CCDC39: variants seen among roughly 807,000 people sequenced by gnomAD.
The protein encoded by CCDC39 is coiled-coil domain-containing protein 39.
Under a neutral mutation model 121.0 loss-of-function variants are expected in CCDC39, and 113 were observed. The observed-to-expected ratio is 0.93, with a 90% CI of 0.80 to 1.09. The LOEUF is 1.09. CCDC39 is among the 50% of genes least tolerant of loss of function. The pLI, the probability that CCDC39 is intolerant of heterozygous loss-of-function variation, is 0.00. For missense variants in CCDC39, 1,063 were observed against 1,074.7 expected (o/e 0.99, Z 0.15); for synonymous variants, 349 against 352.2 (o/e 0.99, Z 0.10).
At chr3:180,643,248 C>A (rs998054439) in intron 12 of CCDC39, among the ~76,000 whole-genome samples, 3 of 151,860 alleles carry the variant, frequency 2.0e-5, no homozygotes, top group Non-Finnish European at 2.9e-5. Flanking sequence ...TGTGAGCCAC[C>A]GTGCCCGGCC....
intron 1 of CCDC39, among the ~76,000 whole-genome samples, chr3:180,666,043 A>G (rs1348135200): frequency 6.6e-6 from 1 of 152,054 alleles, no homozygotes; most frequent in Non-Finnish European, 1.5e-5. Context: ...TCACCCTGTT[A>G]TACAACCATT....
chr3:180,622,244 G>A (rs1235195904), intron 14 of CCDC39, among the ~76,000 whole-genome samples: 1 of 152,032 alleles, frequency 6.6e-6, no homozygotes, highest in Non-Finnish European at 1.5e-5. Context: ...AAATGCTATG[G>A]ATTTTTGTAC....
chr3:180,666,874 C>T (rs543462303), intron 1 of CCDC39, among the ~76,000 whole-genome samples: 12 of 152,114 alleles, frequency 7.9e-5, no homozygotes, highest in Admixed American at 7.9e-4. Flanking sequence ...ACACATTACA[C>T]ATACGCACAC....
Position 180,631,547 on chromosome 3 carries a change from ATTC to A in CCDC39, c.1917_1919del (p.Lys639del). ...TAACAACAGTCAGAATTTCATATCT[ATTC>A]TTCAGCTTCTCAATTTTACTTAGCC... On this transcript the variant is annotated inframe_deletion, in exon 14 of 20. Coordinates refer to ENST00000476379, the MANE Select transcript of CCDC39 (RefSeq NM_181426.2). 6.2e-7 allele frequency: 1 copy of A among 1,609,386 alleles called. No homozygotes were observed. The highest frequency in any genetic ancestry group is 1.1e-5 in the South Asian group (1 of 90,900).
At chr3:180,637,679 A>G (rs1259654830) in intron 13 of CCDC39, among the ~76,000 whole-genome samples, 1 of 152,214 alleles carries the variant, frequency 6.6e-6, no homozygotes, top group Non-Finnish European at 1.5e-5. Context: ...GAATCAACCT[A>G]AACACCCATC....
Position 180,614,812 on chromosome 3 carries a change from CCACTAAGTT to C in CCDC39, c.*100_*108del. 1.1e-6 allele frequency: 1 copy of C among 943,090 alleles called. No individual in the cohort carries two copies. Among genetic ancestry groups the C allele is most frequent in the Non-Finnish European group, 1.5e-6 (1 of 651,174 alleles). The allele number at this position is 943,090 out of a possible 1,614,324, so 58.4% of individuals were successfully genotyped here. On this transcript the variant is annotated 3_prime_UTR_variant, in exon 20 of 20. Coordinates refer to ENST00000476379, the MANE Select transcript of CCDC39 (RefSeq NM_181426.2). ...TTAAAACTATCAGTTTTTACACTTA[CCACTAAGTT>C]TTTACACTTTCCACTAGATAAAATG...
Position 180,619,829 on chromosome 3 carries a change from T to A in CCDC39, c.2140A>T (p.Lys714Ter). Residue 714 changes from lysine (K) to a stop codon, truncating the protein, a stop_gained, in exon 15 of 20, where the codon AAA becomes TAA. Coordinates refer to ENST00000476379, the MANE Select transcript of CCDC39 (RefSeq NM_181426.2). LOFTEE classifies it high-confidence loss of function. ...TACATACTAGATGGAGTCACTTTTT[T>A]AAAAGATTGCTTATAATTGTTGTTA... ...SCNNNYKQSF[K>*]KVTPSSDEYE... 1 of 1,596,216 alleles carries A rather than the reference T, an allele frequency of 6.3e-7. No individual in the cohort carries two copies. Among genetic ancestry groups the A allele is most frequent in the Non-Finnish European group, 8.5e-7 (1 of 1,171,310 alleles).
At position 180,623,942 on chromosome 3, in the gene CCDC39, G is replaced by A. The variant is rs771783407; in HGVS notation, c.1999-3972C>T. 8.1e-4 allele frequency among the ~76,000 whole-genome samples: 123 copies of A among 151,922 alleles called. 1 individual carries two copies. The highest frequency in any genetic ancestry group is 3.9e-4 in the Admixed American group (6 of 15,258). On this transcript the variant is annotated intron_variant, in intron 14 of 19. Coordinates refer to ENST00000476379, the MANE Select transcript of CCDC39 (RefSeq NM_181426.2). ...GAATGTTCTGTAGATGTCTGTTAAC[G>A]TCCATTTGGTCTAAAGCCCGATTTA...
intron 1 of CCDC39, among the ~76,000 whole-genome samples, chr3:180,672,817 A>G (rs1712087216): frequency 6.6e-6 from 1 of 152,218 alleles, no homozygotes; most frequent in African/African-American, 2.4e-5. Flanking sequence ...TGAGCAAGGT[A>G]AATTGAAAAC....
At chr3:180,640,320 CA>C (rs1371743310) in intron 13 of CCDC39, among the ~76,000 whole-genome samples, 2 of 151,918 alleles carry the variant, frequency 1.3e-5, no homozygotes, top group Admixed American at 6.6e-5. Context: ...TTGTGGGATG[CA>C]GCTAATATAA....
At chr3:180,676,402 T>G (rs1712207634) in intron 1 of CCDC39, among the ~76,000 whole-genome samples, 1 of 152,196 alleles carries the variant, frequency 6.6e-6, no homozygotes, top group Non-Finnish European at 1.5e-5. Flanking sequence ...ATGCTCATCA[T>G]CACTGGCCAT....
chr3:180,630,179 G>T (rs1382038672), intron 14 of CCDC39, among the ~76,000 whole-genome samples: 1 of 152,206 alleles, frequency 6.6e-6, no homozygotes, highest in African/African-American at 2.4e-5. Flanking sequence ...CACACCACTT[G>T]TTAGAGAAAC....
At chr3:180,678,611 C>T (rs1465565769) in intron 1 of CCDC39, among the ~76,000 whole-genome samples, 3 of 151,914 alleles carry the variant, frequency 2.0e-5, no homozygotes, top group Non-Finnish European at 4.4e-5. Context: ...GCCTCAGCCT[C>T]CCAAAGTGCT....
chr3:180,664,861 TA>T lies in CCDC39; in HGVS notation c.91-876del, dbSNP rs575394160. 3.9e-4 allele frequency among the ~76,000 whole-genome samples: 17 copies of T among 43,552 alleles called. No homozygotes were observed. The South Asian group carries it at 0.027, about 70-fold the overall frequency. The allele number at this position is 43,552 out of a possible 152,430, so 28.6% of individuals were successfully genotyped here. ...ACAGGTGCCCACCACTACACCTGGC[TA>T]ATTTTTTTTTTTTTTTGGTATTTTT... is the stretch of plus-strand genomic sequence containing the variant. On this transcript the variant is annotated intron_variant, in intron 1 of 19. Coordinates refer to ENST00000476379, the MANE Select transcript of CCDC39 (RefSeq NM_181426.2).
chr3:180,660,449 G>A (rs559634683), intron 4 of CCDC39, 121 bp downstream of exon 4: 6 of 802,462 alleles, frequency 7.5e-6, no homozygotes, highest in Non-Finnish European at 1.1e-5. Context: ...TCTCCAAGAA[G>A]CCTCTGACTC....
chr3:180,637,860 T>C (rs1717868846), intron 13 of CCDC39, among the ~76,000 whole-genome samples: 1 of 152,232 alleles, frequency 6.6e-6, no homozygotes, highest in East Asian at 1.9e-4. Context: ...TTCTCACTTA[T>C]AAGTGGGAGC....
rs140113512 is a variant in CCDC39 at position 180,674,194 on chromosome 3, A to T, written c.90+5097T>A. ...AGTTCTCCTTGAAGAGGTCTTTCAC[A>T]TCCCTTGTAAGTTGGATTCCTAGAT... On this transcript the variant is annotated intron_variant, in intron 1 of 19. Transcript: ENST00000476379. Among the ~76,000 whole-genome samples the T allele has an allele frequency of 7.2e-5, 11 of 152,162 alleles. 1 individual carries two copies. In the South Asian group the frequency reaches 2.3e-3, roughly 32 times the overall value.
In CCDC39 at chr3:180,648,843, T is replaced by C. The variant is rs79789776; in HGVS notation, c.1168-484A>G. On this transcript the variant is annotated intron_variant, in intron 9 of 19. Coordinates refer to ENST00000476379, the MANE Select transcript of CCDC39 (RefSeq NM_181426.2). ...GAGAGGCTAGGGGGAGAATCTGATT[T>C]CCACGGTATAAATACTCCCATTATG... is the stretch of plus-strand genomic sequence containing the variant. Among the ~76,000 whole-genome samples, 759 of 152,250 alleles carry C rather than the reference T, an allele frequency of 5.0e-3. 10 individuals carry two copies. Among genetic ancestry groups the C allele is most frequent in the African/African-American group, 0.017 (707 of 41,528 alleles).
At chr3:180,631,048 A>G (rs558474621) in intron 14 of CCDC39, among the ~76,000 whole-genome samples, 90 of 152,342 alleles carry the variant, frequency 5.9e-4, no homozygotes, top group African/African-American at 2.1e-3. Context: ...CATACCAAAG[A>G]CACTTAGAGT....
Sources: allele counts gnomAD v4.1 joint callset (sites outside exome capture counted in the v4.1 genomes callset), GRCh38; gene constraint gnomAD v4.1.1; transcripts MANE v1.5; gene names NCBI Gene and HGNC (gene_info 2026-07-23, HGNC 2026-07-21).